SHH: variants seen among roughly 807,000 people sequenced by gnomAD.
SHH encodes the protein sonic hedgehog signaling molecule, also known as sonic hedgehog protein.
SHH carries 3 observed loss-of-function variants against 16.6 expected under a neutral mutation model. The ratio of observed to expected loss-of-function variants is 0.18; its 90% CI spans 0.08 to 0.47. SHH has a LOEUF of 0.47. SHH is among the 20% of genes least tolerant of loss of function. The pLI is 0.98. For missense variants in SHH, 499 were observed against 665.0 expected (o/e 0.75, Z 2.75); for synonymous variants, 351 against 316.2 (o/e 1.11, Z -1.17).
At chr7:155,806,647 G>A (rs1395149233) in intron 1 of SHH, 90 bp from the exon 2 acceptor site, 2 of 1,530,456 alleles carry the variant, frequency 1.3e-6, no homozygotes, top group Non-Finnish European at 1.8e-6. Context: ...GCCCTGCCCA[G>A]TCTCAAGGCG....
chr7:155,803,895 C>G (rs1343419347), intron 2 of SHH, among the ~76,000 whole-genome samples, 169 bp from the exon 3 acceptor site: 4 of 151,706 alleles, frequency 2.6e-5, no homozygotes, highest in Non-Finnish European at 5.9e-5. Flanking sequence ...ACACCTCCCT[C>G]CCCCAACCCC....
intron 2 of SHH, among the ~76,000 whole-genome samples, chr7:155,805,016 G>A (rs958175447): frequency 6.6e-6 from 1 of 152,146 alleles, no homozygotes; most frequent in African/African-American, 2.4e-5. Flanking sequence ...CGCACGGCCC[G>A]GCTTGACACG....
rs143084050 is a variant in SHH at position 155,811,923 on chromosome 7, G to C, written c.200C>G (p.Ser67Cys). Reference protein sequence around the residue: ...GASGRYEGKISRNSERFKELT... With the variant: ...GASGRYEGKICRNSERFKELT... ...TTCCTTAAATCGCTCGGAGTTTCTG[G>C]AGATCTTCCCTTCATACCTTCCGCT... The change falls in exon 1 of 3, where the codon TCC becomes TGC. Residue 67 changes from serine to cysteine, a missense_variant. By Grantham distance (112) the Ser-to-Cys change is moderately radical. This residue lies in a region of SHH where 75 missense variants were observed against 115.0 expected (regional missense o/e 0.65). Transcript: ENST00000297261. 6.2e-7 allele frequency: 1 copy of C among 1,614,140 alleles called. No homozygotes were observed. The highest frequency in any genetic ancestry group is 8.5e-7 in the Non-Finnish European group (1 of 1,180,018).
chr7:155,803,380 C>A lies in SHH; in HGVS notation c.909G>T (p.Ala303=). Residue 303 remains alanine (A), a synonymous_variant, in exon 3 of 3, where the codon GCG becomes GCT. Coordinates refer to ENST00000297261, the MANE Select transcript of SHH (RefSeq NM_000193.4). ...CCGGGCGCACGCGGCTGGCGAACAG[C>A]GCCCGAGGCCCCAGTGCGCCCCCGG... The part of the protein sequence containing the change: ...PPSGGALGPR[A]LFASRVRPGQ... 1 of 1,470,396 alleles carries A rather than the reference C, an allele frequency of 6.8e-7. No homozygotes were observed. Among genetic ancestry groups the A allele is most frequent in the Non-Finnish European group, 8.9e-7 (1 of 1,122,918 alleles). The allele number at this position is 1,470,396 out of a possible 1,614,324, so 91.1% of individuals were successfully genotyped here.
Position 155,809,901 on chromosome 7 carries a change from G to A in SHH, c.300+1922C>T, listed in dbSNP as rs2117147822. ...AGGCCTAGAGGCCAGGCAGGCGGCG[G>A]ACTGGGGATGGGGGCGCGTCCCAGG... On this transcript the variant is annotated intron_variant, in intron 1 of 2. Transcript: ENST00000297261. This position sits in a 1 kb window ranked among gnomAD's most constrained non-coding sequence, Gnocchi z 6.1. Among the ~76,000 whole-genome samples the A allele has an allele frequency of 6.6e-6, 1 of 151,656 alleles. No individual in the cohort carries two copies. The highest frequency in any genetic ancestry group is 6.6e-5 in the Admixed American group (1 of 15,226).
chr7:155,811,801 C>G, intron 1 of SHH, 22 bp downstream of exon 1: 1 of 1,613,070 alleles, frequency 6.2e-7, no homozygotes, highest in Non-Finnish European at 8.5e-7. Flanking sequence ...ACACATTCCA[C>G]GCCCCGGCGC....
chr7:155,804,120 C>T (rs1045303940), intron 2 of SHH, among the ~76,000 whole-genome samples: 2 of 151,946 alleles, frequency 1.3e-5, no homozygotes, highest in African/African-American at 4.8e-5. Context: ...AGGAAGCCTC[C>T]TTGAGCTCCC....
rs1803457622 is a variant in SHH at position 155,809,633 on chromosome 7, T to G, written c.300+2190A>C. On this transcript the variant is annotated intron_variant, in intron 1 of 2. Transcript: ENST00000297261. The surrounding 1 kb of genome is among the most constrained non-coding windows in gnomAD (Gnocchi z 6.1). ...CTGGCTCTCCTCACCCAACCCCCAC[T>G]TGGGCCGTCCTTCCCCCTCCTTTTG... Among the ~76,000 whole-genome samples the G allele has an allele frequency of 6.6e-6, 1 of 152,104 alleles. No individual in the cohort carries two copies. The highest frequency in any genetic ancestry group is 6.5e-5 in the Admixed American group (1 of 15,280).
At position 155,806,315 on chromosome 7, in the gene SHH, G is replaced by A; in HGVS notation, c.543C>T (p.Ile181=). Residue 181 remains isoleucine (I), a synonymous_variant, in exon 2 of 3, where the codon ATC becomes ATT. Coordinates refer to ENST00000297261, the MANE Select transcript of SHH (RefSeq NM_000193.4). ...DWVYYESKAH[I]HCSVKAENSV... is the part of the protein sequence containing the mutation. ...GCTTACCTGCTTTCACCGAGCAGTGGATATGTGCCTTGGACTCGTAGTACA... is the reference window on the plus strand; with the variant it reads ...GCTTACCTGCTTTCACCGAGCAGTGAATATGTGCCTTGGACTCGTAGTACA... 1 of 1,613,274 alleles carries A rather than the reference G, an allele frequency of 6.2e-7. No homozygotes were observed. Among genetic ancestry groups the A allele is most frequent in the Non-Finnish European group, 8.5e-7 (1 of 1,180,036 alleles).
Position 155,803,673 on chromosome 7 carries a change from G to T in SHH, c.616C>A (p.His206Asn). 6.3e-7 allele frequency: 1 copy of T among 1,597,836 alleles called. No homozygotes were observed. Among genetic ancestry groups the T allele is most frequent in the Non-Finnish European group, 8.5e-7 (1 of 1,179,376 alleles). ...AGCTTGGTGCCGCCCTGCTCCAGGT[G>T]CACCGTGGCCGAGCCCGGGAAGCAG... ...GGCFPGSATV[H>N]LEQGGTKLVK... The change falls in exon 3 of 3, where the codon CAC becomes AAC. Residue 206 changes from histidine to asparagine, a missense_variant. Around this residue, in one of 4 missense-constraint regions of SHH, gnomAD observed 114 missense variants for 200.4 expected, o/e 0.57. Coordinates refer to ENST00000297261, the MANE Select transcript of SHH (RefSeq NM_000193.4).
In SHH at chr7:155,806,399, G is replaced by T; in HGVS notation, c.459C>A (p.Arg153=). ...CCAGCATGCCGTACTTGCTGCGGTC[G>T]CGGTCAGACGTGGTGATGTCCACTG... ...GRAVDITTSD[R]DRSKYGMLAR... is the part of the protein sequence containing the mutation. Residue 153 remains arginine (R), a synonymous_variant, in exon 2 of 3, where the codon CGC becomes CGA. Coordinates refer to ENST00000297261, the MANE Select transcript of SHH (RefSeq NM_000193.4). 1 of 1,613,732 alleles carries T rather than the reference G, an allele frequency of 6.2e-7. No individual in the cohort carries two copies. Among genetic ancestry groups the T allele is most frequent in the Non-Finnish European group, 8.5e-7 (1 of 1,180,034 alleles).
At chr7:155,804,092 T>C (rs907893796) in intron 2 of SHH, among the ~76,000 whole-genome samples, 1 of 152,034 alleles carries the variant, frequency 6.6e-6, no homozygotes, top group African/African-American at 2.4e-5. Flanking sequence ...GGGTGTTTGC[T>C]CTGCACTTGG....
chr7:155,806,826 G>A, intron 1 of SHH: 1 of 593,096 alleles, frequency 1.7e-6, no homozygotes, highest in Non-Finnish European at 3.1e-6. Context: ...AACAGCCGAT[G>A]CTCCTAGCGA....
At chr7:155,811,705 C>A (rs2117150876) in intron 1 of SHH, 118 bp downstream of exon 1, 2 of 990,322 alleles carry the variant, frequency 2.0e-6, no homozygotes, top group East Asian at 2.4e-5. Context: ...GGGGAAGGAG[C>A]GGGTGAAATC....
intron 1 of SHH, 74 bp downstream of exon 1, chr7:155,811,749 A>G: frequency 7.0e-7 from 1 of 1,426,206 alleles, no homozygotes; most frequent in Non-Finnish European, 9.9e-7. Flanking sequence ...AAACAGAGTT[A>G]AGTCTGGAAG....
intron 2 of SHH, among the ~76,000 whole-genome samples, chr7:155,805,243 C>T (rs1451284629): frequency 6.6e-6 from 1 of 151,972 alleles, no homozygotes; most frequent in Admixed American, 6.5e-5. Context: ...GCCGAGCCCG[C>T]GAGGTGGGGG....
intron 2 of SHH, among the ~76,000 whole-genome samples, chr7:155,804,664 A>G (rs1248902848): frequency 6.6e-6 from 1 of 151,812 alleles, no homozygotes; most frequent in Admixed American, 6.6e-5. Context: ...GCCTGTTCGG[A>G]GCGCTGGAAG....
Position 155,803,276 on chromosome 7 carries a change from C to T in SHH, c.1013G>A (p.Ser338Asn). The change falls in exon 3 of 3, where the codon AGC (serine) becomes AAC (asparagine). Residue 338 changes from serine to asparagine, a missense_variant. Transcript: ENST00000297261. ...CGCGTAGGCGCCCGCGGCCTCCTCG[C>T]TTAGGGTCACGCTGTGCACAGCGGC... is the stretch of plus-strand genomic sequence containing the variant. ...LPAAVHSVTL[S>N]EEAAGAYAPL... The T allele has an allele frequency of 6.7e-7, 1 of 1,502,944 alleles. No individual in the cohort carries two copies. The highest frequency in any genetic ancestry group is 8.8e-7 in the Non-Finnish European group (1 of 1,133,444). 93.1% of individuals were successfully genotyped at this position (1,502,944 alleles called of 1,614,324 possible). A position where few individuals can be genotyped will look rare whatever the true frequency, so the allele number is the denominator to read the frequency against.
chr7:155,810,574 G>A (rs1395240174), intron 1 of SHH, among the ~76,000 whole-genome samples: 2 of 152,238 alleles, frequency 1.3e-5, no homozygotes, highest in Non-Finnish European at 2.9e-5. Flanking sequence ...AGCAGATGAG[G>A]GAGAGCAAGG....
Sources: gnomAD v4.1 joint callset for allele counts (sites outside exome capture counted in the v4.1 genomes callset) on GRCh38, gnomAD v4.1.1 for gene constraint, gnomAD v4.1.1 regional missense constraint, Gnocchi (gnomAD v3.1) non-coding constraint, MANE v1.5 for transcripts, NCBI Gene and HGNC (gene_info 2026-07-23, HGNC 2026-07-21) for gene names.